Variants in NXPE2 observed in about 807,000 individuals in gnomAD.
NXPE2 encodes the protein NXPE family member 2.
Under a neutral mutation model 34.4 loss-of-function variants are expected in NXPE2, and 34 were observed. That is an observed-to-expected ratio of 0.99 (90% CI 0.75 to 1.31). The LOEUF is 1.31. Among genes scored for constraint, NXPE2 ranks in the 40% most tolerant of loss-of-function variants. NXPE2 has a pLI of 0.00. For missense variants in NXPE2, 649 were observed against 672.5 expected (o/e 0.97, Z 0.39); for synonymous variants, 235 against 231.3 (o/e 1.02, Z -0.15).
the NXPE2 span, among the ~76,000 whole-genome samples, chr11:114,764,229 G>A: frequency 4.5e-4 from 69 of 152,266 alleles, no homozygotes; most frequent in African/African-American, 1.6e-3. Context: ...ATAGCTAGAT[G>A]TAAATTTAAG....
the NXPE2 span, among the ~76,000 whole-genome samples, chr11:114,776,198 A>C: frequency 1.3e-5 from 2 of 152,220 alleles, no homozygotes; most frequent in Non-Finnish European, 2.9e-5. Context: ...GGAGTGCTGC[A>C]TCCTCTGATC....
the NXPE2 span, among the ~76,000 whole-genome samples, chr11:114,550,004 T>A: frequency 6.6e-6 from 1 of 152,068 alleles, no homozygotes; most frequent in Non-Finnish European, 1.5e-5. Flanking sequence ...TAAGTGTACA[T>A]TTAGCACACG....
chr11:114,664,052 G>T, the NXPE2 span, among the ~76,000 whole-genome samples: 10 of 152,014 alleles, frequency 6.6e-5, no homozygotes, highest in Non-Finnish European at 1.0e-4. Flanking sequence ...GAAAACTTAC[G>T]TTCACACAAA....
chr11:114,634,487 T>G, the NXPE2 span, among the ~76,000 whole-genome samples: 1 of 152,092 alleles, frequency 6.6e-6, no homozygotes, highest in East Asian at 1.9e-4. Flanking sequence ...ACTTGTCAAT[T>G]TTGGCTTTTG....
chr11:114,665,383 T>G, the NXPE2 span, among the ~76,000 whole-genome samples: 2 of 152,144 alleles, frequency 1.3e-5, no homozygotes, highest in South Asian at 4.1e-4. Context: ...TGTCCAAAGT[T>G]TTAAAATTCT....
the NXPE2 span, among the ~76,000 whole-genome samples, chr11:114,501,271 C>T: frequency 6.6e-6 from 1 of 152,106 alleles, no homozygotes; most frequent in Non-Finnish European, 1.5e-5. Flanking sequence ...AAAGCTCTTC[C>T]AGGTGATTCT....
the NXPE2 span, among the ~76,000 whole-genome samples, chr11:114,615,473 C>T: frequency 4.6e-5 from 7 of 151,958 alleles, no homozygotes; most frequent in Admixed American, 1.3e-4. Flanking sequence ...ATAAGTATTG[C>T]TTCGTGGGTA....
the NXPE2 span, among the ~76,000 whole-genome samples, chr11:114,507,437 A>G: frequency 6.6e-6 from 1 of 152,050 alleles, no homozygotes; most frequent in African/African-American, 2.4e-5. Flanking sequence ...CAACAACAAT[A>G]AAAAAATAAG....
At chr11:114,702,465 C>A (rs1020126560) in intron 3 of NXPE2, among the ~76,000 whole-genome samples, 5 of 152,116 alleles carry the variant, frequency 3.3e-5, no homozygotes, top group Non-Finnish European at 7.4e-5. Context: ...AAAGACAAAT[C>A]TTACTCTTGT....
the NXPE2 span, among the ~76,000 whole-genome samples, chr11:114,472,623 T>A: frequency 3.3e-5 from 5 of 152,124 alleles, no homozygotes; most frequent in East Asian, 9.6e-4. Flanking sequence ...TTCTAGAGGC[T>A]GGGAAGTCCA....
At chr11:114,553,743 C>T in the NXPE2 span, 33 of 985,358 alleles carry the variant, frequency 3.3e-5, no homozygotes, top group African/African-American at 5.6e-4. Context: ...TAAGATGCCT[C>T]CATTTGGAAA....
chr11:114,580,462 T>G, the NXPE2 span: 22,609 of 738,098 alleles, frequency 0.031, 456 homozygotes, highest in Middle Eastern at 0.066. Flanking sequence ...GTGGAAAAAG[T>G]ATTACTGAAG....
At chr11:114,469,202 C>G in the NXPE2 span, among the ~76,000 whole-genome samples, 1 of 149,194 alleles carries the variant, frequency 6.7e-6, no homozygotes, top group Non-Finnish European at 1.5e-5. Flanking sequence ...AGCTCCGCCT[C>G]CTGGGTTCAT....
the NXPE2 span, chr11:114,582,638 G>A: frequency 6.9e-5 from 111 of 1,614,134 alleles, 1 homozygote; most frequent in South Asian, 7.2e-4. Context: ...GGTAGGTGCC[G>A]TTGTTGAAGT....
the NXPE2 span, among the ~76,000 whole-genome samples, chr11:114,490,731 C>G: frequency 2.0e-5 from 3 of 152,154 alleles, no homozygotes; most frequent in African/African-American, 7.2e-5. Flanking sequence ...AAATGTTAGA[C>G]CTAAAACCAT....
chr11:114,520,140 T>A, the NXPE2 span, among the ~76,000 whole-genome samples: 4 of 152,178 alleles, frequency 2.6e-5, no homozygotes, highest in Non-Finnish European at 5.9e-5. Flanking sequence ...ACCTAAAATC[T>A]AGTCTCTCAG....
the NXPE2 span, among the ~76,000 whole-genome samples, chr11:114,593,515 CAGAT>C: frequency 6.6e-6 from 1 of 151,994 alleles, no homozygotes; most frequent in East Asian, 1.9e-4. Flanking sequence ...ATCCAAAAGA[CAGAT>C]AGTAACATAT....
At chr11:114,501,982 G>A in the NXPE2 span, among the ~76,000 whole-genome samples, 1 of 152,172 alleles carries the variant, frequency 6.6e-6, no homozygotes, top group Non-Finnish European at 1.5e-5. Context: ...GTCTAAGACA[G>A]TGTTTCCTAA....
At chr11:114,725,994 A>ATATATATATATATATAT in the NXPE2 span, among the ~76,000 whole-genome samples, 176 of 87,622 alleles carry the variant, frequency 2.0e-3, 11 homozygotes, top group Middle Eastern at 6.3e-3. Flanking sequence ...TATATATATA[A>ATATATATATATATATAT]AAAGAAAAAG....
Sources: allele counts gnomAD v4.1 joint callset (sites outside exome capture counted in the v4.1 genomes callset), GRCh38; gene constraint gnomAD v4.1.1; transcripts MANE v1.5; gene names NCBI Gene and HGNC (gene_info 2026-07-23, HGNC 2026-07-21).